PSMD11: variants seen among roughly 807,000 people sequenced by gnomAD.
The protein encoded by PSMD11 is proteasome 26S subunit, non-ATPase 11, also known as 26S proteasome non-ATPase regulatory subunit 11.
In PSMD11, 5 loss-of-function variants were observed where a neutral mutation model predicts 62.3. The ratio of observed to expected loss-of-function variants is 0.08; its 90% confidence interval spans 0.04 to 0.17. The LOEUF (loss-of-function observed/expected upper bound fraction) is 0.17. Among genes scored for constraint, PSMD11 ranks in the 10% least tolerant of loss-of-function variants. The pLI is 1.00. For missense variants in PSMD11, 310 were observed against 512.9 expected (o/e 0.60, Z 3.82); for synonymous variants, 191 against 191.8 (o/e 1.00, Z 0.03).
At chr17:32,454,022 T>G (rs576643182) in intron 2 of PSMD11, among the ~76,000 whole-genome samples, 2 of 152,142 alleles carry the variant, frequency 1.3e-5, no homozygotes, top group Non-Finnish European at 2.9e-5. Flanking sequence ...GAAAAAGGAA[T>G]CTGGAGTAGA....
chr17:32,479,962 G>T, intron 11 of PSMD11, 76 bp downstream of exon 11: 1 of 1,544,758 alleles, frequency 6.5e-7, no homozygotes, highest in South Asian at 1.1e-5. Flanking sequence ...CACCTGATTG[G>T]CCTCATTGGA....
At chr17:32,473,773 T>G (rs1275069100) in intron 6 of PSMD11, 28 bp from the exon 7 acceptor site, 1 of 1,610,266 alleles carries the variant, frequency 6.2e-7, no homozygotes, top group East Asian at 2.2e-5. Flanking sequence ...ATTTTATATG[T>G]TCTTATTCCT....
chr17:32,469,868 T>G (rs1238552735), intron 6 of PSMD11, among the ~76,000 whole-genome samples: 1 of 152,176 alleles, frequency 6.6e-6, no homozygotes, highest in African/African-American at 2.4e-5. Flanking sequence ...GGTTGACATT[T>G]TGTTCTGCTG....
intron 3 of PSMD11, 52 bp from the exon 4 acceptor site, chr17:32,463,997 T>G: frequency 1.3e-6 from 2 of 1,518,482 alleles, no homozygotes; most frequent in Admixed American, 3.3e-5. Flanking sequence ...GCATGGTTTG[T>G]GGGAAGAATT....
chr17:32,458,770 C>T (rs1367230642), intron 3 of PSMD11, among the ~76,000 whole-genome samples: 1 of 152,152 alleles, frequency 6.6e-6, no homozygotes, highest in Non-Finnish European at 1.5e-5. Flanking sequence ...CCTTATGCTT[C>T]AAACTGTCTG....
At position 32,459,115 on chromosome 17, in the gene PSMD11, C is replaced by CATATATATATATATATATAT. The variant is rs10595066; in HGVS notation, c.318+4501_318+4520dup. Reference sequence around the variant, plus strand: ...AGAGTGTCTCAAAAAAAAAAAAATACATATATATATATATATATATATATG... The same window carrying CATATATATATATATATATAT: ...AGAGTGTCTCAAAAAAAAAAAAATACATATATATATATATATATATATATATATATATATATATATATATG... On this transcript the variant is annotated intron_variant, in intron 3 of 13. Transcript: ENST00000261712. Among the ~76,000 whole-genome samples, 230 of 111,814 alleles carry CATATATATATATATATATAT rather than the reference C, an allele frequency of 2.1e-3. 2 individuals are homozygous for CATATATATATATATATATAT. Among genetic ancestry groups the CATATATATATATATATATAT allele is most frequent in the African/African-American group, 6.8e-3 (194 of 28,344 alleles). 73.4% of individuals were successfully genotyped at this position (111,814 alleles called of 152,430 possible). A position where few individuals can be genotyped will look rare whatever the true frequency, so the allele number is the denominator to read the frequency against.
At chr17:32,461,466 G>A (rs1033476390) in intron 3 of PSMD11, among the ~76,000 whole-genome samples, 1 of 151,956 alleles carries the variant, frequency 6.6e-6, no homozygotes, top group Admixed American at 6.6e-5. Context: ...AGCTACTCAG[G>A]AGGCTGAGGC....
chr17:32,454,376 C>A, intron 2 of PSMD11, 119 bp from the exon 3 acceptor site: 1 of 1,033,980 alleles, frequency 9.7e-7, no homozygotes, highest in South Asian at 1.5e-5. Flanking sequence ...GTAAGTTTCA[C>A]TTAGACTGAT....
At chr17:32,463,246 C>CA (rs1286909775) in intron 3 of PSMD11, 1 of 152,216 alleles carries the variant, frequency 6.6e-6, no homozygotes, top group African/African-American at 2.4e-5. Flanking sequence ...AGTTACTTTG[C>CA]ACCTTACCTC....
chr17:32,450,777 G>C (rs1275076449), intron 2 of PSMD11, among the ~76,000 whole-genome samples: 1 of 152,066 alleles, frequency 6.6e-6, no homozygotes, highest in Admixed American at 6.6e-5. Flanking sequence ...GAAAAATGCA[G>C]GTGGGCACAG....
At chr17:32,461,049 G>T (rs1907823532) in intron 3 of PSMD11, among the ~76,000 whole-genome samples, 1 of 152,026 alleles carries the variant, frequency 6.6e-6, no homozygotes, top group Non-Finnish European at 1.5e-5. Context: ...CAACTTTTCT[G>T]GTATAGTCTA....
At chr17:32,479,211 G>T in intron 9 of PSMD11, 40 bp from the exon 10 acceptor site, 1 of 1,608,064 alleles carries the variant, frequency 6.2e-7, no homozygotes, top group South Asian at 1.1e-5. Context: ...ACTTTAAAGT[G>T]ATTCTCTGTG....
rs368536392 is a variant in PSMD11 at position 32,464,612 on chromosome 17, C to G, written c.448+34C>G. 7 of 1,535,498 alleles carry G rather than the reference C, an allele frequency of 4.6e-6. No individual in the cohort carries two copies. In the African/African-American group the frequency reaches 9.6e-5, roughly 21 times the overall value. On this transcript the variant is annotated intron_variant, in intron 5 of 13. Coordinates refer to ENST00000261712, the MANE Select transcript of PSMD11 (RefSeq NM_002815.4). ...GCTGGTAATAAGTCATCTCAGCTAG[C>G]TAAATGAATGTATTCTAAACCACCT...
chr17:32,483,180 C>T lies in PSMD11; in HGVS notation c.*2428C>T, dbSNP rs1267637404. The stretch of plus-strand genomic sequence containing the variant: ...GGCTGGTTCGAGCTGTGATACACTG[C>T]AAGTGTAAACACAAACCAGACTTCG... On this transcript the variant is annotated 3_prime_UTR_variant, in exon 14 of 14. Transcript: ENST00000261712. The T allele has an allele frequency of 6.6e-6, 1 of 152,096 alleles. No homozygotes were observed. Among genetic ancestry groups the T allele is most frequent in the African/African-American group, 2.4e-5 (1 of 41,388 alleles). The allele number at this position is 152,096 out of a possible 1,614,324, so 9.4% of individuals were successfully genotyped here. A position where few individuals can be genotyped will look rare whatever the true frequency, so the allele number is the denominator to read the frequency against.
intron 8 of PSMD11, among the ~76,000 whole-genome samples, chr17:32,475,704 T>G (rs1203124083): frequency 6.6e-6 from 1 of 151,770 alleles, no homozygotes; most frequent in Non-Finnish European, 1.5e-5. Context: ...TTTGAAGTGA[T>G]TCTCCTGTCT....
chr17:32,478,874 G>A (rs544718288), intron 9 of PSMD11, among the ~76,000 whole-genome samples: 1 of 152,112 alleles, frequency 6.6e-6, no homozygotes, highest in Non-Finnish European at 1.5e-5. Flanking sequence ...GGTCCCTAGG[G>A]TGACTCCACC....
chr17:32,451,235 C>T (rs192702400), intron 2 of PSMD11, among the ~76,000 whole-genome samples: 1 of 152,244 alleles, frequency 6.6e-6, no homozygotes, highest in East Asian at 1.9e-4. Context: ...TATTGTAAGG[C>T]TAGCAGGTGT....
intron 6 of PSMD11, among the ~76,000 whole-genome samples, chr17:32,472,499 T>C (rs112352255): frequency 2.7e-5 from 4 of 150,688 alleles, no homozygotes; most frequent in African/African-American, 9.7e-5. Context: ...GCTGGGATTA[T>C]AGACGTTAGA....
At chr17:32,447,732 G>A (rs1056150886) in intron 2 of PSMD11, among the ~76,000 whole-genome samples, 2 of 152,140 alleles carry the variant, frequency 1.3e-5, no homozygotes, top group African/African-American at 4.8e-5. Flanking sequence ...CAAGTTTAAA[G>A]TGAATTTAGA....
Sources: allele counts gnomAD v4.1 joint callset (sites outside exome capture counted in the v4.1 genomes callset), GRCh38; gene constraint gnomAD v4.1.1; transcripts MANE v1.5; gene names NCBI Gene and HGNC (gene_info 2026-07-23, HGNC 2026-07-21).